VPS16: variants seen among roughly 807,000 people sequenced by gnomAD.
VPS16 encodes vacuolar protein sorting-associated protein 16 homolog.
VPS16 carries 82 observed loss-of-function variants against 116.0 expected under a neutral mutation model. That is an observed-to-expected ratio of 0.71 (90% CI 0.59 to 0.85). The LOEUF is 0.85. Ranked by LOEUF, VPS16 falls within the 40% of genes least tolerant of loss-of-function variation. The pLI is 0.00. For synonymous variants in VPS16, 406 were observed against 420.7 expected (o/e 0.96, Z 0.43); for missense variants, 928 against 1,090.6 (o/e 0.85, Z 2.10).
Position 2,866,452 on chromosome 20 carries a change from G to A in VPS16, c.2398G>A (p.Val800Met). 2 of 1,614,210 alleles carry A rather than the reference G, an allele frequency of 1.2e-6. No homozygotes were observed. The highest frequency in any genetic ancestry group is 8.5e-7 in the Non-Finnish European group (1 of 1,180,040). Residue 800 changes from valine (V) to methionine (M), a missense_variant, in exon 24 of 24, where the codon GTG becomes ATG. Val to Met is a conservative substitution (Grantham distance 21). Transcript: ENST00000380445. ...LVGDVAQAAD[V>M]AIEHRNEAEL... ...CAGCGATGTGGCTCAGGCTGCAGAT[G>A]TGGCCATCGAACACCGGAATGAGGC...
intron 1 of VPS16, among the ~76,000 whole-genome samples, chr20:2,843,860 A>G (rs2089033181): frequency 6.6e-6 from 1 of 152,244 alleles, no homozygotes; most frequent in Non-Finnish European, 1.5e-5. Flanking sequence ...AGAAAGGATT[A>G]GGGGTCTAAG....
In VPS16 at chr20:2,863,516, A is replaced by G; in HGVS notation, c.1476+118A>G. 1 of 1,010,682 alleles carries G rather than the reference A, an allele frequency of 9.9e-7. No homozygotes were observed. Among genetic ancestry groups the G allele is most frequent in the Non-Finnish European group, 1.5e-6 (1 of 680,136 alleles). The allele number at this position is 1,010,682 out of a possible 1,614,324, so 62.6% of individuals were successfully genotyped here. On this transcript the variant is annotated intron_variant, in intron 15 of 23. Coordinates refer to ENST00000380445, the MANE Select transcript of VPS16 (RefSeq NM_022575.4). The surrounding 1 kb of genome is among the most constrained non-coding windows in gnomAD (Gnocchi z 4.4). ...GGTGGCTCATGCCTGTAATCCCAAC[A>G]CTTTGGGAGGCTGAGGCGGGCGAAT...
chr20:2,861,519 G>T (rs542890045), intron 8 of VPS16, 96 bp from the exon 9 acceptor site: 1 of 1,444,234 alleles, frequency 6.9e-7, no homozygotes, highest in South Asian at 1.3e-5. Flanking sequence ...TGATGCAAGT[G>T]TATACAGGCT....
chr20:2,860,997 A>G lies in VPS16; in HGVS notation c.658A>G (p.Ser220Gly). ...GCCCCCTGGCCTGGCCCCAGGAGTA[A>G]GCAGCTTCCTACAGATGGCTGTCTC... ...VTPPGLAPGV[S>G]SFLQMAVSFT... The change falls in exon 7 of 24, where the codon AGC (serine) becomes GGC (glycine). Residue 220 changes from serine to glycine, a missense_variant. Ser to Gly is a moderately conservative substitution (Grantham distance 56). Transcript: ENST00000380445. This position sits in a 1 kb window ranked among gnomAD's most constrained non-coding sequence, Gnocchi z 6.1. 1.9e-6 allele frequency: 3 copies of G among 1,614,186 alleles called. No individual in the cohort carries two copies. The highest frequency in any genetic ancestry group is 2.5e-6 in the Non-Finnish European group (3 of 1,180,040).
chr20:2,849,244 CA>C (rs1201119182), intron 1 of VPS16, among the ~76,000 whole-genome samples: 3 of 150,328 alleles, frequency 2.0e-5, no homozygotes, highest in Non-Finnish European at 4.4e-5. Context: ...ACAACTCACA[CA>C]AATTTGTGTT....
chr20:2,841,068 C>T (rs1000067326), intron 1 of VPS16: 3 of 546,938 alleles, frequency 5.5e-6, no homozygotes, highest in African/African-American at 4.0e-5. Context: ...GTCTGTTAGC[C>T]TCCGGAAAGA....
chr20:2,863,571 T>C lies in VPS16; in HGVS notation c.1476+173T>C, dbSNP rs2089269389. On this transcript the variant is annotated intron_variant, in intron 15 of 23. Transcript: ENST00000380445. This position sits in a 1 kb window ranked among gnomAD's most constrained non-coding sequence, Gnocchi z 4.4. ...TGAGGTCAGGTATTCGAGACTAGCC[T>C]GGCTAACATGGTGAAACCCCGTCTC... 6.6e-6 allele frequency among the ~76,000 whole-genome samples: 1 copy of C among 152,202 alleles called. No homozygotes were observed. The highest frequency in any genetic ancestry group is 2.1e-4 in the South Asian group (1 of 4,834).
chr20:2,843,485 A>C (rs1034679413), intron 1 of VPS16, among the ~76,000 whole-genome samples: 7 of 152,146 alleles, frequency 4.6e-5, no homozygotes, highest in African/African-American at 1.7e-4. Context: ...AAAAATTGCA[A>C]AAACTTCATT....
chr20:2,865,769 G>C lies in VPS16; in HGVS notation c.2271+274G>C, dbSNP rs866859818. 1.9e-6 allele frequency: 1 copy of C among 516,166 alleles called. No homozygotes were observed. Among genetic ancestry groups the C allele is most frequent in the African/African-American group, 1.9e-5 (1 of 52,284 alleles). 32.0% of individuals were successfully genotyped at this position (516,166 alleles called of 1,614,324 possible). On this transcript the variant is annotated intron_variant, in intron 22 of 23. Transcript: ENST00000380445. The surrounding 1 kb of genome is among the most constrained non-coding windows in gnomAD (Gnocchi z 5.2). ...CCACAGGGGGCACTATGTGCTAGAG[G>C]GAAAGTCTTGTCTGAGGAGGGTGGA... is the stretch of plus-strand genomic sequence containing the variant.
At chr20:2,859,163 T>C (rs2089201949) in intron 1 of VPS16, among the ~76,000 whole-genome samples, 1 of 151,922 alleles carries the variant, frequency 6.6e-6, no homozygotes, top group Non-Finnish European at 1.5e-5. Flanking sequence ...CCAGGTGTGG[T>C]AGTGCACCCT....
At position 2,861,832 on chromosome 20, in the gene VPS16, G is replaced by GA. The variant is rs758459680; in HGVS notation, c.927_928insA (p.Val310SerfsTer3). ...TTGTGCTGGATGAGGACTCCTACCT[G>GA]GTGCCTGAGCTCGATGGGGTCCGCA... On this transcript the variant is annotated frameshift_variant, in exon 10 of 24. Coordinates refer to ENST00000380445, the MANE Select transcript of VPS16 (RefSeq NM_022575.4). LOFTEE classifies it high-confidence loss of function. The GA allele has an allele frequency of 6.2e-7, 1 of 1,614,004 alleles. No homozygotes were observed. The highest frequency in any genetic ancestry group is 8.5e-7 in the Non-Finnish European group (1 of 1,179,972).
rs1402300291 is a variant in VPS16, at chr20:2,840,747, T to C, written c.-28T>C. ...CCGCTCTAGGTGGGTGTCCCCTCGGTGCTTCCCAGCTGCCGTCTGCACCAG... is the reference window on the plus strand; with the variant it reads ...CCGCTCTAGGTGGGTGTCCCCTCGGCGCTTCCCAGCTGCCGTCTGCACCAG... On this transcript the variant is annotated 5_prime_UTR_variant, in exon 1 of 24. Coordinates refer to ENST00000380445, the MANE Select transcript of VPS16 (RefSeq NM_022575.4). 12 of 1,547,612 alleles carry C rather than the reference T, an allele frequency of 7.8e-6. No individual in the cohort carries two copies. The highest frequency in any genetic ancestry group is 2.3e-4 in the Middle Eastern group (1 of 4,438).
At chr20:2,847,481 A>ATT (rs5839972) in intron 1 of VPS16, among the ~76,000 whole-genome samples, 1 of 128,698 alleles carries the variant, frequency 7.8e-6, no homozygotes, top group Non-Finnish European at 1.7e-5. Context: ...CGCCCCCTCT[A>ATT]TTTTTTTTTT....
intron 1 of VPS16, among the ~76,000 whole-genome samples, chr20:2,857,894 A>G (rs543451437): frequency 6.6e-6 from 1 of 151,692 alleles, no homozygotes; most frequent in East Asian, 1.9e-4. Flanking sequence ...TATTTTTAGT[A>G]GAGACAGGGT....
rs112164169 is a variant in VPS16, at chr20:2,864,692, T to C, written c.1926+38T>C. 1.6e-4 allele frequency: 252 copies of C among 1,600,526 alleles called. No homozygotes were observed. The African/African-American group carries it at 2.7e-3, about 17-fold the overall frequency. On this transcript the variant is annotated intron_variant, in intron 19 of 23. Coordinates refer to ENST00000380445, the MANE Select transcript of VPS16 (RefSeq NM_022575.4). The surrounding 1 kb of genome is among the most constrained non-coding windows in gnomAD (Gnocchi z 5.2). Reference sequence around the variant, plus strand: ...TGGGGCGTGTGGGGCGTGTGGGGCATGTGGGCTGGGGCTGTTGGTCCGGTT... The same window carrying C: ...TGGGGCGTGTGGGGCGTGTGGGGCACGTGGGCTGGGGCTGTTGGTCCGGTT...
chr20:2,860,737 C>G lies in VPS16; in HGVS notation c.515-11C>G. The G allele has an allele frequency of 6.2e-7, 1 of 1,613,760 alleles. No homozygotes were observed. Among genetic ancestry groups the G allele is most frequent in the Non-Finnish European group, 8.5e-7 (1 of 1,179,998 alleles). On this transcript the variant is annotated splice_polypyrimidine_tract_variant and intron_variant, in intron 5 of 23. Transcript: ENST00000380445. The surrounding 1 kb of genome is among the most constrained non-coding windows in gnomAD (Gnocchi z 6.1). ...TGGTCATCCTAACACTGTCCTTTTCCCTGGCCATAGGTCTGCAAAGTGCAC... is the reference window on the plus strand; with the variant it reads ...TGGTCATCCTAACACTGTCCTTTTCGCTGGCCATAGGTCTGCAAAGTGCAC...
intron 1 of VPS16, among the ~76,000 whole-genome samples, chr20:2,842,732 ATC>A (rs2089002567): frequency 1.1e-5 from 1 of 94,208 alleles, no homozygotes; most frequent in African/African-American, 4.7e-5. Context: ...GGATGTATCT[ATC>A]TATAGATACA....
Position 2,854,879 on chromosome 20 carries a change from A to G in VPS16, c.54-4840A>G, listed in dbSNP as rs2089157095. Among the ~76,000 whole-genome samples the G allele has an allele frequency of 2.0e-5, 3 of 149,750 alleles. No homozygotes were observed. The East Asian group carries it at 5.9e-4, about 29-fold the overall frequency. On this transcript the variant is annotated intron_variant, in intron 1 of 23. Coordinates refer to ENST00000380445, the MANE Select transcript of VPS16 (RefSeq NM_022575.4). ...AGCTGCACAATGGATGTTGTGTTAG[A>G]AGGCATAAAGACAACATTAATCTCC...
intron 7 of VPS16, 22 bp from the exon 8 acceptor site, chr20:2,861,203 G>T: frequency 6.2e-7 from 1 of 1,614,194 alleles, no homozygotes; most frequent in South Asian, 1.1e-5. Flanking sequence ...ACAGGGCCAT[G>T]ACATTGCCCA....
Sources: allele counts gnomAD v4.1 joint callset (sites outside exome capture counted in the v4.1 genomes callset), GRCh38; gene constraint gnomAD v4.1.1; non-coding constraint Gnocchi (gnomAD v3.1); transcripts MANE v1.5; gene names NCBI Gene and HGNC (gene_info 2026-07-23, HGNC 2026-07-21).